The following CCDC191 variants were observed in gnomAD, a reference collection of about 807,000 sequenced individuals.
CCDC191 encodes coiled-coil domain containing 191.
Under a neutral mutation model 114.0 loss-of-function variants are expected in CCDC191, and 99 were observed. The observed-to-expected ratio is 0.87, with a 90% CI of 0.74 to 1.03. CCDC191 has a LOEUF of 1.03. Among genes scored for constraint, CCDC191 ranks in the 50% least tolerant of loss-of-function variants. CCDC191 has a pLI of 0.00. For synonymous variants in CCDC191, 351 were observed against 376.0 expected (o/e 0.93, Z 0.77); for missense variants, 973 against 1,087.0 (o/e 0.90, Z 1.47).
intron 2 of CCDC191, among the ~76,000 whole-genome samples, chr3:114,049,484 C>T (rs2076673610): frequency 2.6e-5 from 4 of 152,116 alleles, no homozygotes; most frequent in South Asian, 2.1e-4. Flanking sequence ...AAAACAGATT[C>T]GTAGACTTGA....
At chr3:113,972,336 A>G (rs1046771135) in intron 16 of CCDC191, among the ~76,000 whole-genome samples, 35 of 152,138 alleles carry the variant, frequency 2.3e-4, no homozygotes, top group East Asian at 1.9e-4. Flanking sequence ...TCATTGACCC[A>G]TTGGTTGTTC....
chr3:114,011,386 CAG>C (rs2076067499), intron 8 of CCDC191, among the ~76,000 whole-genome samples: 3 of 152,078 alleles, frequency 2.0e-5, no homozygotes, highest in Admixed American at 2.0e-4. Flanking sequence ...ATGAGGGAGA[CAG>C]AGGTTCAGCT....
In CCDC191 at chr3:114,004,753, A is replaced by T; in HGVS notation, c.1869-7T>A. ...AGGGGAAGCAACAGGTGAACTAGGG[A>T]AAAAATAAAGGAAAGGAATTTAGAC... On this transcript the variant is annotated splice_polypyrimidine_tract_variant and splice_region_variant and intron_variant, in intron 10 of 16. Coordinates refer to ENST00000295878, the MANE Select transcript of CCDC191 (RefSeq NM_020817.2). 1 of 1,606,920 alleles carries T rather than the reference A, an allele frequency of 6.2e-7. No homozygotes were observed. The highest frequency in any genetic ancestry group is 2.2e-5 in the East Asian group (1 of 44,734).
At chr3:114,024,270 A>G (rs1410121763) in intron 7 of CCDC191, among the ~76,000 whole-genome samples, 3 of 152,244 alleles carry the variant, frequency 2.0e-5, no homozygotes, top group African/African-American at 7.2e-5. Context: ...AACTAGTTCA[A>G]CCGTTGTGGA....
chr3:113,971,225 CTGT>C lies in CCDC191; in HGVS notation c.2607-5869_2607-5867del, dbSNP rs1003582793. ...TATTTCTCCACATCCTCTCCAGCAC[CTGT>C]TGTTTCCTGACTTTTTAATGATCGC... is the stretch of plus-strand genomic sequence containing the variant. On this transcript the variant is annotated intron_variant, in intron 16 of 16. Coordinates refer to ENST00000295878, the MANE Select transcript of CCDC191 (RefSeq NM_020817.2). Among the ~76,000 whole-genome samples the C allele has an allele frequency of 2.4e-4, 36 of 152,120 alleles. 1 individual carries two copies. The highest frequency in any genetic ancestry group is 1.2e-3 in the Admixed American group (18 of 15,268).
intron 7 of CCDC191, among the ~76,000 whole-genome samples, chr3:114,028,339 G>A (rs889062765): frequency 1.1e-4 from 16 of 145,210 alleles, no homozygotes; most frequent in African/African-American, 4.1e-4. Flanking sequence ...AGGCTGGAGT[G>A]CAGCGGCATG....
intron 9 of CCDC191, among the ~76,000 whole-genome samples, chr3:114,008,098 A>G (rs578030545): frequency 5.1e-4 from 75 of 147,094 alleles, no homozygotes; most frequent in African/African-American, 1.8e-3. Context: ...ATAAATTACT[A>G]TATATATTAC....
chr3:114,008,499 A>G (rs1448608533), intron 9 of CCDC191, among the ~76,000 whole-genome samples: 1 of 152,024 alleles, frequency 6.6e-6, no homozygotes, highest in Admixed American at 6.6e-5. Flanking sequence ...ACTTAACAGC[A>G]TTATGTGGAG....
chr3:114,017,755 G>A (rs774922844), intron 8 of CCDC191, among the ~76,000 whole-genome samples: 7 of 152,110 alleles, frequency 4.6e-5, no homozygotes, highest in Non-Finnish European at 8.8e-5. Flanking sequence ...ATGAGGGGAG[G>A]AAACTTAGAG....
Position 114,003,587 on chromosome 3 carries a change from G to T in CCDC191, c.1979-1049C>A, listed in dbSNP as rs941678805. 4 of 985,168 alleles carry T rather than the reference G, an allele frequency of 4.1e-6. No homozygotes were observed. In the African/African-American group the frequency reaches 5.2e-5, roughly 13 times the overall value. 61.0% of individuals were successfully genotyped at this position (985,168 alleles called of 1,614,324 possible). On this transcript the variant is annotated intron_variant, in intron 11 of 16. Coordinates refer to ENST00000295878, the MANE Select transcript of CCDC191 (RefSeq NM_020817.2). Reference sequence around the variant, plus strand: ...TCAAAAGACTACTTGAAAGTAGACTGGGCTTCTAAAATAGCTAACTCCTTG... The same window carrying T: ...TCAAAAGACTACTTGAAAGTAGACTTGGCTTCTAAAATAGCTAACTCCTTG...
chr3:113,986,113 G>A (rs2075346027), intron 13 of CCDC191, among the ~76,000 whole-genome samples: 1 of 152,136 alleles, frequency 6.6e-6, no homozygotes. Flanking sequence ...GGTAATTTTA[G>A]CAGAGACATG....
chr3:114,053,287 G>A (rs2076721248), intron 2 of CCDC191, among the ~76,000 whole-genome samples: 1 of 152,132 alleles, frequency 6.6e-6, no homozygotes, highest in Admixed American at 6.5e-5. Context: ...AACATCTGAG[G>A]AAGGCCACCA....
At position 113,980,651 on chromosome 3, in the gene CCDC191, T is replaced by C. The variant is rs1445311990; in HGVS notation, c.2306A>G (p.Gln769Arg). ...GGGGATAACAGTGGGACAGTGTACC[T>C]GGATGTTTTGTTTGCTTTGCATTCT... ...RLRMQSKQNI[Q>R]VAEEHYSLFL... The change falls in exon 14 of 17, where the codon CAG (glutamine) becomes CGG (arginine). Residue 769 changes from glutamine (Q) to arginine (R), a missense_variant and splice_region_variant. Coordinates refer to ENST00000295878, the MANE Select transcript of CCDC191 (RefSeq NM_020817.2). The C allele has an allele frequency of 1.3e-6, 2 of 1,588,706 alleles. No homozygotes were observed. The highest frequency in any genetic ancestry group is 1.7e-6 in the Non-Finnish European group (2 of 1,173,222).
At chr3:114,008,845 T>C (rs934118434) in intron 9 of CCDC191, among the ~76,000 whole-genome samples, 8 of 152,142 alleles carry the variant, frequency 5.3e-5, no homozygotes, top group Admixed American at 1.3e-4. Flanking sequence ...CAGTCATGCA[T>C]TGCTGAATAA....
In CCDC191 at chr3:113,978,180, C is replaced by T. The variant is rs1577329860; in HGVS notation, c.2606+6G>A. The stretch of plus-strand genomic sequence containing the variant: ...GAGTGAATTTTCCTCACTATCAAAA[C>T]CTCACCTGTCACTGTGCTCCGCTGC... On this transcript the variant is annotated splice_donor_region_variant and intron_variant, in intron 16 of 16. Transcript: ENST00000295878. 1.2e-6 allele frequency: 2 copies of T among 1,613,882 alleles called. No homozygotes were observed. Among genetic ancestry groups the T allele is most frequent in the South Asian group, 1.1e-5 (1 of 91,070 alleles).
chr3:114,045,331 T>C (rs1577475704), intron 3 of CCDC191, among the ~76,000 whole-genome samples: 1 of 152,110 alleles, frequency 6.6e-6, no homozygotes, highest in African/African-American at 2.4e-5. Flanking sequence ...CCCTTTTCTC[T>C]CTTTTTCTCC....
chr3:114,050,299 C>T (rs1163661490), intron 2 of CCDC191, among the ~76,000 whole-genome samples: 2 of 152,240 alleles, frequency 1.3e-5, no homozygotes. Flanking sequence ...TTCATTTCCT[C>T]AAAACCAGTG....
chr3:113,977,701 G>C (rs72954695), intron 16 of CCDC191, among the ~76,000 whole-genome samples: 4,807 of 152,264 alleles, frequency 0.032, 235 homozygotes, highest in African/African-American at 0.11. Flanking sequence ...GAAGGAGCCT[G>C]TGCGACAGCA....
chr3:114,046,783 A>G (rs780431740), intron 2 of CCDC191, 51 bp from the exon 3 acceptor site: 2 of 1,531,988 alleles, frequency 1.3e-6, no homozygotes, highest in South Asian at 1.3e-5. Flanking sequence ...AAATTTGTTC[A>G]GTTAGAGAAT....
Sources: gnomAD v4.1 joint callset for allele counts (sites outside exome capture counted in the v4.1 genomes callset) on GRCh38, gnomAD v4.1.1 for gene constraint, MANE v1.5 for transcripts, NCBI Gene and HGNC (gene_info 2026-07-23, HGNC 2026-07-21) for gene names.